REPS2: variants seen among roughly 807,000 people sequenced by gnomAD.
The protein encoded by REPS2 is ralBP1-associated Eps domain-containing protein 2.
Under a neutral mutation model 53.6 loss-of-function variants are expected in REPS2, and 23 were observed. The observed-to-expected ratio is 0.43, with a 90% confidence interval of 0.31 to 0.61. REPS2 has a LOEUF of 0.61. REPS2 is among the 20% of genes least tolerant of loss of function. The probability of loss-of-function intolerance (pLI) is 0.11; values close to 1 mark genes in which losing one functional copy is unlikely to be tolerated. For missense variants in REPS2, 446 were observed against 534.9 expected (o/e 0.83, Z 1.64); for synonymous variants, 238 against 218.6 (o/e 1.09, Z -0.78).
chrX:16,984,241 T>TC (rs2061061993), intron 1 of REPS2, among the ~76,000 whole-genome samples: 1 of 112,166 alleles, frequency 8.9e-6, no homozygotes, highest in African/African-American at 3.2e-5. Context: ...TGTGGTGCAC[T>TC]CACAGGGCTG....
chrX:17,122,215 G>A (rs182115256), intron 14 of REPS2, among the ~76,000 whole-genome samples: 5 of 111,273 alleles, frequency 4.5e-5, no homozygotes, highest in African/African-American at 9.8e-5. Context: ...TTTTCCAGTC[G>A]CTATCTCTTA....
At chrX:17,144,758 G>T (rs190271400) in intron 17 of REPS2, among the ~76,000 whole-genome samples, 225 of 112,062 alleles carry the variant, frequency 2.0e-3, no homozygotes, top group Non-Finnish European at 3.9e-3. Flanking sequence ...TCCTAAGGGG[G>T]ACCCTGCTGC....
chrX:17,054,698 A>G, intron 7 of REPS2, 110 bp from the exon 8 acceptor site: 2 of 818,780 alleles, frequency 2.4e-6, no homozygotes, highest in Non-Finnish European at 3.4e-6. Flanking sequence ...GGGTTTGGGT[A>G]TCTGGTAGGG....
chrX:17,136,198 C>G (rs1243626764), intron 16 of REPS2: 3 of 112,340 alleles, frequency 2.7e-5, no homozygotes, highest in Non-Finnish European at 5.6e-5. Flanking sequence ...TTGCAGGTCT[C>G]AGATGCTGCT....
At chrX:17,165,820 T>C in the REPS2 span, among the ~76,000 whole-genome samples, 1 of 111,072 alleles carries the variant, frequency 9.0e-6, no homozygotes, top group East Asian at 2.8e-4. Flanking sequence ...GGTGAGAATG[T>C]TATGCCCTGT....
chrX:17,036,130 A>G (rs1250507521), intron 5 of REPS2, among the ~76,000 whole-genome samples: 1 of 112,303 alleles, frequency 8.9e-6, no homozygotes, highest in Non-Finnish European at 1.9e-5. Flanking sequence ...TTATTGGGTG[A>G]AAATGCCTAT....
At chrX:17,035,773 A>T (rs975526009) in intron 5 of REPS2, among the ~76,000 whole-genome samples, 2 of 111,560 alleles carry the variant, frequency 1.8e-5, no homozygotes, top group Non-Finnish European at 1.9e-5. Flanking sequence ...ATAGTACTAT[A>T]CAAAACATTT....
intron 11 of REPS2, among the ~76,000 whole-genome samples, chrX:17,070,882 G>C (rs1473193165): frequency 9.2e-6 from 1 of 108,708 alleles, no homozygotes; most frequent in African/African-American, 3.4e-5. Flanking sequence ...AGGAGTTGGG[G>C]GAGTGGGAGA....
At chrX:16,998,109 T>C (rs745664238) in intron 1 of REPS2, among the ~76,000 whole-genome samples, 1 of 111,433 alleles carries the variant, frequency 9.0e-6, no homozygotes, top group Admixed American at 9.5e-5. Flanking sequence ...TAGCCAGGTG[T>C]GATGGCACTT....
chrX:17,172,975 A>ATGTG, the REPS2 span, among the ~76,000 whole-genome samples: 3,464 of 99,151 alleles, frequency 0.035, 82 homozygotes, highest in East Asian at 0.1. Context: ...GTGTGTATGT[A>ATGTG]TGTGTGTGTG....
At chrX:16,959,163 A>G (rs2060630993) in intron 1 of REPS2, among the ~76,000 whole-genome samples, 1 of 112,687 alleles carries the variant, frequency 8.9e-6, no homozygotes, top group African/African-American at 3.2e-5. Context: ...CAGTGGCACC[A>G]TCACAGCTCA....
chrX:17,050,197 T>TCTTTCTTTCTTTCTTTCTTTCTTTCTTC (rs773752476), intron 6 of REPS2, among the ~76,000 whole-genome samples: 5 of 46,159 alleles, frequency 1.1e-4, no homozygotes, highest in Non-Finnish European at 1.3e-4. Flanking sequence ...TTTCTTTCTT[T>TCTTTCTTTCTTTCTTTCTTTCTTTCTTC]TTTTTTTTTT....
At chrX:17,088,399 C>A (rs1177858608) in intron 13 of REPS2, among the ~76,000 whole-genome samples, 1 of 110,608 alleles carries the variant, frequency 9.0e-6, no homozygotes, top group Non-Finnish European at 1.9e-5. Context: ...ACCTAGTTAA[C>A]CCTTATTGCG....
chrX:17,045,872 A>G (rs1479256314), intron 5 of REPS2, among the ~76,000 whole-genome samples: 1 of 111,133 alleles, frequency 9.0e-6, no homozygotes, highest in African/African-American at 3.3e-5. Context: ...CAGTAGCTCA[A>G]CATTTTCTAG....
chrX:17,088,719 G>A (rs1294001911), intron 13 of REPS2, among the ~76,000 whole-genome samples: 1 of 109,063 alleles, frequency 9.2e-6, no homozygotes, highest in Non-Finnish European at 1.9e-5. Flanking sequence ...GAGTAGCTGG[G>A]ACTACAGGTG....
intron 1 of REPS2, among the ~76,000 whole-genome samples, chrX:16,987,798 C>T (rs1167551789): frequency 8.9e-6 from 1 of 112,420 alleles, no homozygotes; most frequent in Non-Finnish European, 1.9e-5. Flanking sequence ...ACTTTGACAA[C>T]TCCTAATTTA....
intron 1 of REPS2, among the ~76,000 whole-genome samples, chrX:17,004,833 A>AT (rs1333850450): frequency 9.8e-6 from 1 of 102,221 alleles, no homozygotes; most frequent in African/African-American, 3.6e-5. Context: ...TATAGTTGTT[A>AT]TTTTTTCACA....
chrX:16,977,431 A>G (rs1308023485), intron 1 of REPS2, among the ~76,000 whole-genome samples: 1 of 111,129 alleles, frequency 9.0e-6, no homozygotes, highest in African/African-American at 3.3e-5. Flanking sequence ...ATGTAATGAC[A>G]TGGCTGGATG....
intron 1 of REPS2, among the ~76,000 whole-genome samples, chrX:16,989,772 T>C (rs781038837): frequency 1.8e-5 from 2 of 112,093 alleles, no homozygotes; most frequent in East Asian, 5.6e-4. Flanking sequence ...AAATTAAAAA[T>C]AGTGACAGCA....
Sources: gnomAD v4.1 joint callset for allele counts (sites outside exome capture counted in the v4.1 genomes callset) on GRCh38, gnomAD v4.1.1 for gene constraint, MANE v1.5 for transcripts, NCBI Gene and HGNC (gene_info 2026-07-23, HGNC 2026-07-21) for gene names.